Variants in L3MBTL4 observed in about 807,000 individuals in gnomAD.
The protein encoded by L3MBTL4 is lethal(3)malignant brain tumor-like protein 4.
L3MBTL4 carries 70 observed loss-of-function variants against 84.5 expected under a neutral mutation model. The ratio of observed to expected loss-of-function variants is 0.83; its 90% CI spans 0.68 to 1.01. The LOEUF is 1.01. Among genes scored for constraint, L3MBTL4 ranks in the 50% least tolerant of loss-of-function variants. The probability of loss-of-function intolerance (pLI) is 0.00; values close to 1 mark genes in which losing one functional copy is unlikely to be tolerated. For missense variants in L3MBTL4, 715 were observed against 754.8 expected, an observed-to-expected ratio of 0.95 and a Z score of 0.62; for synonymous variants, 274 against 259.8, an observed-to-expected ratio of 1.05 and a Z score of -0.52.
chr18:6,297,481 GT>G (rs2050154986), intron 4 of L3MBTL4, among the ~76,000 whole-genome samples: 1 of 152,102 alleles, frequency 6.6e-6, no homozygotes, highest in Non-Finnish European at 1.5e-5. Context: ...TGGGTGAAGG[GT>G]ATGCAGGACT....
At chr18:6,243,536 A>G in intron 6 of L3MBTL4, 107 bp from the exon 7 acceptor site, 1 of 833,820 alleles carries the variant, frequency 1.2e-6, no homozygotes, top group Admixed American at 3.2e-5. Context: ...AACATATAAG[A>G]GCCAACCCTT....
intron 12 of L3MBTL4, among the ~76,000 whole-genome samples, chr18:6,212,934 G>A (rs1249654632): frequency 2.0e-5 from 3 of 152,108 alleles, no homozygotes; most frequent in Non-Finnish European, 2.9e-5. Context: ...CCAGTTTAAG[G>A]TGTGAGTTAT....
At chr18:5,996,114 G>C (rs1377547294) in intron 16 of L3MBTL4, among the ~76,000 whole-genome samples, 2 of 152,286 alleles carry the variant, frequency 1.3e-5, no homozygotes, top group Middle Eastern at 3.4e-3. Context: ...ATTCTAACTA[G>C]TGATATTTCC....
At chr18:6,366,396 A>C (rs140056937) in intron 1 of L3MBTL4, among the ~76,000 whole-genome samples, 2 of 152,348 alleles carry the variant, frequency 1.3e-5, no homozygotes, top group East Asian at 3.9e-4. Context: ...AAGATAACAT[A>C]ATAGCATCAA....
intron 1 of L3MBTL4, among the ~76,000 whole-genome samples, chr18:6,398,391 A>C (rs2055364788): frequency 6.6e-6 from 1 of 152,132 alleles, no homozygotes; most frequent in Non-Finnish European, 1.5e-5. Context: ...GTGGAGGTGT[A>C]CTGTTTGCAA....
chr18:6,084,919 A>G (rs899735550), intron 15 of L3MBTL4, among the ~76,000 whole-genome samples: 2 of 152,142 alleles, frequency 1.3e-5, no homozygotes, highest in Non-Finnish European at 2.9e-5. Flanking sequence ...AGAATTAGCA[A>G]TGGGGTGTGG....
chr18:6,217,644 G>A (rs1381588158), intron 10 of L3MBTL4, among the ~76,000 whole-genome samples: 1 of 152,142 alleles, frequency 6.6e-6, no homozygotes, highest in Non-Finnish European at 1.5e-5. Flanking sequence ...ATGCATCCAG[G>A]AGTAACACTG....
At chr18:6,368,585 A>G (rs1414998650) in intron 1 of L3MBTL4, among the ~76,000 whole-genome samples, 4 of 152,196 alleles carry the variant, frequency 2.6e-5, no homozygotes, top group African/African-American at 9.7e-5. Context: ...AGATGAGAAA[A>G]TGGAGCCACA....
At chr18:6,371,187 C>T (rs1215589652) in intron 1 of L3MBTL4, among the ~76,000 whole-genome samples, 1 of 152,192 alleles carries the variant, frequency 6.6e-6, no homozygotes, top group East Asian at 1.9e-4. Context: ...GGCTGCGTGC[C>T]AGTAAAAATA....
At chr18:6,404,689 T>C (rs1245845848) in intron 1 of L3MBTL4, among the ~76,000 whole-genome samples, 2 of 110,104 alleles carry the variant, frequency 1.8e-5, no homozygotes, top group Non-Finnish European at 4.1e-5. Flanking sequence ...TTTTTCTTCA[T>C]TTTTGTTTTT....
chr18:6,072,774 T>G (rs2057708061), intron 16 of L3MBTL4, among the ~76,000 whole-genome samples: 2 of 146,602 alleles, frequency 1.4e-5, no homozygotes, highest in African/African-American at 5.1e-5. Flanking sequence ...GAGTATGGCA[T>G]GAACCCGGGA....
rs188437425 is a variant in L3MBTL4 at position 6,257,635 on chromosome 18, T to C, written c.219+6312A>G. ...ATGTTCTTTTCTTTTTTCTTTTTCT[T>C]TTTCTTTTTCTTTTTTTTTTTTTTT... On this transcript the variant is annotated intron_variant, in intron 5 of 18. Coordinates refer to ENST00000317931, the MANE Select transcript of L3MBTL4 (RefSeq NM_001330559.2). Among the ~76,000 whole-genome samples the C allele has an allele frequency of 2.8e-3, 429 of 150,672 alleles. 4 individuals are homozygous for C. Among genetic ancestry groups the C allele is most frequent in the African/African-American group, 0.01 (411 of 40,512 alleles).
chr18:6,143,973 G>T (rs1034280843), intron 13 of L3MBTL4, among the ~76,000 whole-genome samples: 2 of 152,012 alleles, frequency 1.3e-5, no homozygotes, highest in Non-Finnish European at 1.5e-5. Flanking sequence ...CAAGGGTGGC[G>T]GATCACAAGG....
At chr18:6,189,917 GA>G (rs2044987623) in intron 12 of L3MBTL4, among the ~76,000 whole-genome samples, 1 of 152,144 alleles carries the variant, frequency 6.6e-6, no homozygotes, top group Non-Finnish European at 1.5e-5. Context: ...GATATGCAAC[GA>G]TTATCCCATA....
At position 6,354,975 on chromosome 18, in the gene L3MBTL4, T is replaced by TGCAAAAAAAAAAAA. The variant is rs2053369558; in HGVS notation, c.-90-42920_-90-42919insTTTTTTTTTTTTGC. ...GGAAATGAGCATATCAAAGAGATTT[T>TGCAAAAAAAAAAAA]TGCACTCCCATGTTTGTTGTAGCAC... On this transcript the variant is annotated intron_variant, in intron 1 of 18. Transcript: ENST00000317931. Among the ~76,000 whole-genome samples, 3 of 152,174 alleles carry TGCAAAAAAAAAAAA rather than the reference T, an allele frequency of 2.0e-5. No individual in the cohort carries two copies. The South Asian group carries it at 6.2e-4, about 32-fold the overall frequency.
intron 11 of L3MBTL4, among the ~76,000 whole-genome samples, chr18:6,213,667 A>C (rs554747395): frequency 1.3e-5 from 2 of 148,902 alleles, no homozygotes; most frequent in Non-Finnish European, 3.0e-5. Context: ...CCACCTCGGC[A>C]TCCCAAAGTG....
chr18:6,130,349 G>A (rs1428306231), intron 14 of L3MBTL4, among the ~76,000 whole-genome samples: 3 of 151,666 alleles, frequency 2.0e-5, no homozygotes, highest in African/African-American at 7.3e-5. Flanking sequence ...TGGGCTGACC[G>A]AACAATTCCA....
At chr18:6,170,549 C>A (rs903808648) in intron 13 of L3MBTL4, among the ~76,000 whole-genome samples, 10 of 152,124 alleles carry the variant, frequency 6.6e-5, no homozygotes, top group African/African-American at 2.4e-4. Context: ...GATGCATAGA[C>A]TCTGGGATGC....
intron 4 of L3MBTL4, among the ~76,000 whole-genome samples, chr18:6,299,929 C>T (rs942823329): frequency 1.3e-5 from 2 of 152,140 alleles, no homozygotes; most frequent in African/African-American, 4.8e-5. Context: ...GCCTTGGTCT[C>T]CCAAAGTGCT....
Sources: allele counts gnomAD v4.1 joint callset (sites outside exome capture counted in the v4.1 genomes callset), GRCh38; gene constraint gnomAD v4.1.1; transcripts MANE v1.5; gene names NCBI Gene and HGNC (gene_info 2026-07-23, HGNC 2026-07-21).